Variants in TJP1 observed in about 807,000 individuals in gnomAD.
The protein encoded by TJP1 is tight junction protein 1.
In TJP1, 43 loss-of-function variants were observed where a neutral mutation model predicts 194.2. The observed-to-expected ratio is 0.22, with a 90% CI of 0.17 to 0.29. TJP1 has a LOEUF of 0.29. TJP1 is among the 10% of genes least tolerant of loss of function. TJP1 has a pLI of 1.00. For synonymous variants in TJP1, 801 were observed against 779.0 expected (o/e 1.03, Z -0.47); for missense variants, 1,971 against 2,185.7 (o/e 0.90, Z 1.96).
At chr15:29,724,418 T>TA (rs1158826856) in intron 18 of TJP1, among the ~76,000 whole-genome samples, 1 of 152,232 alleles carries the variant, frequency 6.6e-6, no homozygotes, top group Non-Finnish European at 1.5e-5. Flanking sequence ...CTGAATACTA[T>TA]AATCCAGTAG....
At chr15:29,906,129 ACT>A (rs1464487459) in intron 2 of TJP1, among the ~76,000 whole-genome samples, 1 of 151,854 alleles carries the variant, frequency 6.6e-6, no homozygotes, top group Non-Finnish European at 1.5e-5. Flanking sequence ...GTATACAGAA[ACT>A]CTCTGTACTT....
chr15:29,738,514 G>A (rs185034656), intron 10 of TJP1, among the ~76,000 whole-genome samples: 10 of 152,066 alleles, frequency 6.6e-5, no homozygotes, highest in Non-Finnish European at 1.3e-4. Flanking sequence ...ACTAACATCA[G>A]CTAGTCATAA....
intron 15 of TJP1, among the ~76,000 whole-genome samples, chr15:29,730,200 A>G (rs1287362527): frequency 6.6e-6 from 1 of 152,196 alleles, no homozygotes; most frequent in Non-Finnish European, 1.5e-5. Flanking sequence ...ACAATGGAAT[A>G]AAATTTAGGG....
At chr15:29,734,848 A>G (rs1355391715) in intron 11 of TJP1, among the ~76,000 whole-genome samples, 2 of 152,192 alleles carry the variant, frequency 1.3e-5, no homozygotes, top group Admixed American at 1.3e-4. Flanking sequence ...AATACACTCT[A>G]ATTTTAAAAA....
At chr15:29,770,198 G>T (rs775927759) in intron 4 of TJP1, among the ~76,000 whole-genome samples, 4 of 152,152 alleles carry the variant, frequency 2.6e-5, no homozygotes, top group African/African-American at 4.8e-5. Context: ...TGTAATCCCA[G>T]AACTTTGGGA....
At chr15:29,852,349 A>G (rs2031899797) in intron 2 of TJP1, among the ~76,000 whole-genome samples, 1 of 152,244 alleles carries the variant, frequency 6.6e-6, no homozygotes, top group East Asian at 1.9e-4. Flanking sequence ...TGGCTAATGG[A>G]CCACAAAAAG....
intron 2 of TJP1, among the ~76,000 whole-genome samples, chr15:29,932,495 T>G (rs985698493): frequency 2.0e-5 from 3 of 151,524 alleles, no homozygotes; most frequent in Admixed American, 6.6e-5. Flanking sequence ...AATAAAAGAC[T>G]CAAATGTAAA....
chr15:29,859,489 G>A (rs2051990817), intron 2 of TJP1, among the ~76,000 whole-genome samples: 1 of 152,202 alleles, frequency 6.6e-6, no homozygotes, highest in African/African-American at 2.4e-5. Flanking sequence ...CAACAAGGAT[G>A]GGACTTCCCA....
At chr15:29,851,747 T>C (rs1166965954) in intron 2 of TJP1, among the ~76,000 whole-genome samples, 1 of 152,252 alleles carries the variant, frequency 6.6e-6, no homozygotes, top group Non-Finnish European at 1.5e-5. Context: ...AAGGGATACA[T>C]ATAAAGATCA....
intron 1 of TJP1, among the ~76,000 whole-genome samples, chr15:29,820,161 T>A (rs1420908845): frequency 1.4e-5 from 2 of 146,154 alleles, no homozygotes. Context: ...AATGTTGCCT[T>A]TTTTTTTTTT....
At chr15:29,719,182 TTCTAG>T (rs1942632002) in intron 20 of TJP1, 44 bp from the exon 21 acceptor site, 3 of 1,512,554 alleles carry the variant, frequency 2.0e-6, no homozygotes, top group Non-Finnish European at 2.7e-6. Flanking sequence ...TTGTTTCTAA[TTCTAG>T]TCTATTTTAT....
chr15:29,859,062 G>A (rs1017922543), intron 2 of TJP1, among the ~76,000 whole-genome samples: 1 of 152,034 alleles, frequency 6.6e-6, no homozygotes, highest in Non-Finnish European at 1.5e-5. Flanking sequence ...ATTGATTGTG[G>A]ACTATTTAAG....
chr15:29,769,205 G>A (rs2046502739), intron 4 of TJP1, among the ~76,000 whole-genome samples: 1 of 152,158 alleles, frequency 6.6e-6, no homozygotes. Flanking sequence ...CAAAGGACAT[G>A]AACAGGTAAA....
In TJP1 at chr15:29,705,459, T is replaced by C. The variant is rs1034789968; in HGVS notation, c.5068+69A>G. On this transcript the variant is annotated intron_variant, in intron 26 of 27. Transcript: ENST00000614355. ...GTGCTGCATTATTAGCCAAGCACTA[T>C]AAGCTCTGAAGTGCACACAGGGCAA... The C allele has an allele frequency of 4.1e-6, 6 of 1,472,804 alleles. No individual in the cohort carries two copies. The African/African-American group carries it at 4.2e-5, about 10-fold the overall frequency. 91.2% of individuals were successfully genotyped at this position (1,472,804 alleles called of 1,614,324 possible).
intron 1 of TJP1, among the ~76,000 whole-genome samples, chr15:29,806,445 A>G (rs2049116776): frequency 6.6e-6 from 1 of 152,224 alleles, no homozygotes; most frequent in African/African-American, 2.4e-5. Context: ...CAAATCTTCA[A>G]GGAACACCCT....
chr15:29,809,969 T>C (rs772107208), intron 1 of TJP1, among the ~76,000 whole-genome samples: 1 of 152,208 alleles, frequency 6.6e-6, no homozygotes, highest in South Asian at 2.1e-4. Flanking sequence ...TTCAGACACA[T>C]GTTGAGTATT....
intron 23 of TJP1, 87 bp from the exon 24 acceptor site, chr15:29,711,087 T>G: frequency 8.7e-7 from 1 of 1,152,928 alleles, no homozygotes; most frequent in Non-Finnish European, 1.2e-6. Context: ...ATCTCTAAGT[T>G]AAAAAAAAAA....
At chr15:29,966,967 C>G (rs989459084) in intron 1 of TJP1, among the ~76,000 whole-genome samples, 10 of 151,998 alleles carry the variant, frequency 6.6e-5, no homozygotes, top group African/African-American at 2.2e-4. Flanking sequence ...TGAACTGTGG[C>G]TAACCTTGTC....
At chr15:29,939,748 T>A (rs773904839) in intron 2 of TJP1, among the ~76,000 whole-genome samples, 2 of 152,136 alleles carry the variant, frequency 1.3e-5, no homozygotes, top group Non-Finnish European at 2.9e-5. Flanking sequence ...TGAATGGGAT[T>A]AGTGCCCTTA....
Sources: allele counts gnomAD v4.1 joint callset (sites outside exome capture counted in the v4.1 genomes callset), GRCh38; gene constraint gnomAD v4.1.1; transcripts MANE v1.5; gene names NCBI Gene and HGNC (gene_info 2026-07-23, HGNC 2026-07-21).